The following EPHA6 variants were observed in gnomAD, a reference collection of about 807,000 sequenced individuals.
EPHA6 encodes the protein EPH receptor A6, also known as ephrin type-A receptor 6.
A neutral mutation model predicts 112.0 loss-of-function variants in EPHA6; 50 were observed. The observed-to-expected ratio is 0.45, with a 90% confidence interval of 0.36 to 0.56. The LOEUF (loss-of-function observed/expected upper bound fraction) is 0.56, where lower values mean the gene tolerates loss of function less well. Ranked by LOEUF, EPHA6 falls within the 20% of genes least tolerant of loss-of-function variation. The pLI is 0.00. For missense variants in EPHA6, 1,280 were observed against 1,417.4 expected (o/e 0.90, Z 1.56); for synonymous variants, 529 against 490.7 (o/e 1.08, Z -1.03).
intron 1 of EPHA6, among the ~76,000 whole-genome samples, chr3:96,824,875 G>T (rs1286516689): frequency 2.6e-5 from 4 of 151,898 alleles, no homozygotes; most frequent in African/African-American, 7.3e-5. Context: ...AATAAGATCT[G>T]CCAGCTCCCC....
chr3:97,178,364 A>G (rs531116815), intron 3 of EPHA6, among the ~76,000 whole-genome samples: 3 of 152,090 alleles, frequency 2.0e-5, no homozygotes, highest in East Asian at 1.9e-4. Flanking sequence ...GTCTTTCTGC[A>G]TAGATAAGAG....
At chr3:97,614,455 C>T (rs1274118880) in intron 13 of EPHA6, among the ~76,000 whole-genome samples, 2 of 150,576 alleles carry the variant, frequency 1.3e-5, no homozygotes, top group Non-Finnish European at 3.0e-5. Flanking sequence ...CTGCCTCAGC[C>T]TCCCAAGTAA....
intron 2 of EPHA6, among the ~76,000 whole-genome samples, chr3:96,900,875 A>G (rs1012419447): frequency 1.3e-5 from 2 of 152,236 alleles, no homozygotes; most frequent in African/African-American, 4.8e-5. Flanking sequence ...TGTAGTTCTT[A>G]TGCAAAACCT....
chr3:97,241,293 G>C (rs1230801295), intron 4 of EPHA6, among the ~76,000 whole-genome samples: 3 of 151,802 alleles, frequency 2.0e-5, no homozygotes, highest in Non-Finnish European at 4.4e-5. Flanking sequence ...TTTCAAATCA[G>C]AATAATTGCC....
At chr3:97,222,600 AT>A (rs1056254587) in intron 3 of EPHA6, among the ~76,000 whole-genome samples, 36 of 152,208 alleles carry the variant, frequency 2.4e-4, no homozygotes, top group Admixed American at 2.0e-3. Flanking sequence ...CTTTCAAGAT[AT>A]TTACTATCTG....
At position 97,759,275 on chromosome 3, in the gene EPHA6, C is replaced by T. The variant is rs958695473; in HGVS notation, c.*10574C>T. On this transcript the variant is annotated 3_prime_UTR_variant, in exon 18 of 18. Transcript: ENST00000389672. Reference sequence around the variant, plus strand: ...TCATCAACTATGAAAATAGTGGAGTCAACTATCAACTATGAAATAGTGGAG... The same window carrying T: ...TCATCAACTATGAAAATAGTGGAGTTAACTATCAACTATGAAATAGTGGAG... Among the ~76,000 whole-genome samples, 2 of 151,784 alleles carry T rather than the reference C, an allele frequency of 1.3e-5. No individual in the cohort carries two copies. The highest frequency in any genetic ancestry group is 4.8e-5 in the African/African-American group (2 of 41,354).
rs1010600048 is a variant in EPHA6, at chr3:97,755,079, T to C, written c.*6378T>C. On this transcript the variant is annotated 3_prime_UTR_variant, in exon 18 of 18. Coordinates refer to ENST00000389672, the MANE Select transcript of EPHA6 (RefSeq NM_001080448.3). The stretch of plus-strand genomic sequence containing the variant: ...CACTGATTAATCAAAGTAACAAATC[T>C]CTACATCATTAAGAGAACTTTTGAT... Among the ~76,000 whole-genome samples the C allele has an allele frequency of 6.6e-6, 1 of 152,194 alleles. No individual in the cohort carries two copies. The highest frequency in any genetic ancestry group is 2.4e-5 in the African/African-American group (1 of 41,466).
At chr3:96,895,059 G>A (rs940445985) in intron 2 of EPHA6, among the ~76,000 whole-genome samples, 5 of 152,158 alleles carry the variant, frequency 3.3e-5, no homozygotes, top group African/African-American at 1.2e-4. Flanking sequence ...TCTGAAAAGT[G>A]TGACACCTCC....
intron 2 of EPHA6, among the ~76,000 whole-genome samples, chr3:96,882,425 A>G (rs1389437745): frequency 1.3e-5 from 2 of 151,994 alleles, no homozygotes; most frequent in East Asian, 3.9e-4. Flanking sequence ...TTTAGTGGTG[A>G]TTTGTGAGAT....
chr3:97,522,044 C>A (rs1217996589), intron 10 of EPHA6, among the ~76,000 whole-genome samples: 1 of 152,034 alleles, frequency 6.6e-6, no homozygotes, highest in Non-Finnish European at 1.5e-5. Flanking sequence ...CCACCTCAGC[C>A]TTCTGAGTAG....
chr3:97,176,084 T>G (rs9842464), intron 3 of EPHA6, among the ~76,000 whole-genome samples: 9,955 of 151,892 alleles, frequency 0.066, 1,066 homozygotes, highest in African/African-American at 0.22. Flanking sequence ...CTTTCAATAC[T>G]CAGTTTTTTG....
intron 3 of EPHA6, among the ~76,000 whole-genome samples, chr3:97,122,646 A>G (rs1434213270): frequency 6.6e-6 from 1 of 152,096 alleles, no homozygotes; most frequent in East Asian, 1.9e-4. Flanking sequence ...CCAATGATAA[A>G]AAGCTGAAAG....
intron 1 of EPHA6, among the ~76,000 whole-genome samples, chr3:96,861,496 T>A (rs1417125895): frequency 6.6e-6 from 1 of 151,996 alleles, no homozygotes; most frequent in Non-Finnish European, 1.5e-5. Flanking sequence ...GATATTTGAA[T>A]GTTTTCTGAA....
At chr3:97,487,329 G>A (rs9855017) in intron 10 of EPHA6, among the ~76,000 whole-genome samples, 2,776 of 152,238 alleles carry the variant, frequency 0.018, 103 homozygotes, top group African/African-American at 0.064. Context: ...TGAGTTATCA[G>A]AAATAAATGT....
intron 3 of EPHA6, among the ~76,000 whole-genome samples, chr3:97,024,658 T>A (rs2044575704): frequency 6.6e-6 from 1 of 152,228 alleles, no homozygotes; most frequent in African/African-American, 2.4e-5. Context: ...ACATGGTTTT[T>A]TTAACTCACA....
At chr3:97,406,305 G>A (rs963973910) in intron 6 of EPHA6, among the ~76,000 whole-genome samples, 4 of 152,146 alleles carry the variant, frequency 2.6e-5, no homozygotes, top group African/African-American at 7.2e-5. Context: ...TGGAGACGAA[G>A]AAGTCTGAGA....
In EPHA6 at chr3:96,997,463, T is replaced by C. The variant is rs1231486711; in HGVS notation, c.1114+9470T>C. ...TGTATCTCTTCTTTTCACTTGACCA[T>C]TTAGAGGTCATTGTAGGGTTATTGG... On this transcript the variant is annotated intron_variant, in intron 3 of 17. Transcript: ENST00000389672. Among the ~76,000 whole-genome samples the C allele has an allele frequency of 3.3e-5, 5 of 151,958 alleles. No individual in the cohort carries two copies. In the South Asian group the frequency reaches 8.3e-4, roughly 25 times the overall value.
At chr3:97,321,268 G>A (rs921425633) in intron 5 of EPHA6, among the ~76,000 whole-genome samples, 1 of 151,772 alleles carries the variant, frequency 6.6e-6, no homozygotes, top group Non-Finnish European at 1.5e-5. Flanking sequence ...AAGTAAATTG[G>A]GTTGTCACTT....
At chr3:97,388,440 G>C (rs1242949979) in intron 5 of EPHA6, among the ~76,000 whole-genome samples, 1 of 152,080 alleles carries the variant, frequency 6.6e-6, no homozygotes, top group Non-Finnish European at 1.5e-5. Flanking sequence ...GACTCGAGGA[G>C]GGAGTTAGGA....
Sources: allele counts gnomAD v4.1 joint callset (sites outside exome capture counted in the v4.1 genomes callset), GRCh38; gene constraint gnomAD v4.1.1; transcripts MANE v1.5; gene names NCBI Gene and HGNC (gene_info 2026-07-23, HGNC 2026-07-21).